The following SLC25A26 variants were observed in gnomAD, a reference collection of about 807,000 sequenced individuals.
SLC25A26 encodes solute carrier family 25 member 26.
In SLC25A26, 36 loss-of-function variants were observed where a neutral mutation model predicts 37.8. That is an observed-to-expected ratio of 0.95 (90% CI 0.73 to 1.26). The LOEUF (loss-of-function observed/expected upper bound fraction) is 1.26. Ranked by LOEUF, SLC25A26 falls within the 50% of genes most tolerant of loss-of-function variation. The probability of loss-of-function intolerance (pLI) is 0.00; values close to 1 mark genes in which losing one functional copy is unlikely to be tolerated. For synonymous variants in SLC25A26, 129 were observed against 122.5 expected (o/e 1.05, Z -0.35); for missense variants, 390 against 331.1 (o/e 1.18, Z -1.38).
At chr3:66,245,726 A>G (rs2072804161) in intron 3 of SLC25A26, among the ~76,000 whole-genome samples, 1 of 152,162 alleles carries the variant, frequency 6.6e-6, no homozygotes, top group African/African-American at 2.4e-5. Context: ...GTTTAAGAAT[A>G]AGTGAACTGG....
intron 5 of SLC25A26, among the ~76,000 whole-genome samples, chr3:66,330,358 G>T (rs1298545143): frequency 2.0e-5 from 3 of 152,118 alleles, no homozygotes; most frequent in Admixed American, 2.0e-4. Flanking sequence ...GTTCCAATCA[G>T]ATGTGACAAC....
intron 5 of SLC25A26, among the ~76,000 whole-genome samples, chr3:66,335,945 G>T (rs911223611): frequency 7.2e-5 from 11 of 152,156 alleles, no homozygotes; most frequent in Admixed American, 2.6e-4. Flanking sequence ...GAGTAGGCAG[G>T]TGAGAAAGGA....
intron 1 of SLC25A26, among the ~76,000 whole-genome samples, chr3:66,146,356 T>C (rs1388488161): frequency 6.6e-6 from 1 of 151,032 alleles, no homozygotes; most frequent in Non-Finnish European, 1.5e-5. Context: ...AAAAAAAAGA[T>C]AAAAATCTAA....
At chr3:66,377,630 T>C (rs1224949092) in intron 9 of SLC25A26, 60 bp from the exon 10 acceptor site, 8 of 1,357,188 alleles carry the variant, frequency 5.9e-6, no homozygotes, top group East Asian at 2.3e-5. Flanking sequence ...GCTGTGGGTA[T>C]TGGAATTTAA....
chr3:66,375,972 G>C (rs1411192813), intron 9 of SLC25A26, among the ~76,000 whole-genome samples: 2 of 151,068 alleles, frequency 1.3e-5, no homozygotes, highest in Admixed American at 1.3e-4. Context: ...GGCTTCATAG[G>C]AGGTCAAAAT....
At chr3:66,292,546 T>G (rs1048143375) in intron 5 of SLC25A26, among the ~76,000 whole-genome samples, 9 of 152,182 alleles carry the variant, frequency 5.9e-5, no homozygotes, top group African/African-American at 2.2e-4. Context: ...TTATTTCTCC[T>G]TTGCTTATGA....
chr3:66,204,470 A>T (rs1228113146), intron 1 of SLC25A26, among the ~76,000 whole-genome samples: 1 of 151,712 alleles, frequency 6.6e-6, no homozygotes, highest in East Asian at 1.9e-4. Flanking sequence ...AAAAAGAAAA[A>T]AGAAAATAAT....
chr3:66,300,477 TTTTCCTA>T, intron 5 of SLC25A26, among the ~76,000 whole-genome samples: 1 of 152,180 alleles, frequency 6.6e-6, no homozygotes. Flanking sequence ...TCAAATTACC[TTTTCCTA>T]TTTGTCTTAA....
chr3:66,326,983 C>G (rs1306005886), intron 5 of SLC25A26, among the ~76,000 whole-genome samples: 1 of 152,078 alleles, frequency 6.6e-6, no homozygotes, highest in Non-Finnish European at 1.5e-5. Context: ...GGTAGAGACT[C>G]TCATGTTTAA....
intron 1 of SLC25A26, among the ~76,000 whole-genome samples, chr3:66,204,425 C>CAAA (rs1253739560): frequency 0.55 from 35,741 of 64,614 alleles, 10,703 homozygotes; most frequent in Non-Finnish European, 0.66. Context: ...TACTCCGTCT[C>CAAA]AAAAAAAAAA....
intron 5 of SLC25A26, among the ~76,000 whole-genome samples, chr3:66,282,032 T>G (rs2074361417): frequency 8.5e-6 from 1 of 117,862 alleles, no homozygotes; most frequent in Admixed American, 1.1e-4. Flanking sequence ...TGAGACGGAG[T>G]CTCGCTCTGT....
chr3:66,303,554 T>G (rs955213642), intron 5 of SLC25A26, among the ~76,000 whole-genome samples: 1 of 152,218 alleles, frequency 6.6e-6, no homozygotes, highest in Non-Finnish European at 1.5e-5. Flanking sequence ...CAAGATCACT[T>G]AACTAGAATG....
chr3:66,244,198 A>G (rs567133266), intron 3 of SLC25A26, among the ~76,000 whole-genome samples: 1 of 152,326 alleles, frequency 6.6e-6, no homozygotes, highest in East Asian at 1.9e-4. Context: ...TTTGTGGAAT[A>G]ATATTAATAT....
chr3:66,219,642 A>C (rs2071416117), upstream of SLC25A26, among the ~76,000 whole-genome samples: 1 of 152,190 alleles, frequency 6.6e-6, no homozygotes, highest in Non-Finnish European at 1.5e-5. Flanking sequence ...GTCTGTGTGT[A>C]GTCCGGCTAG....
At chr3:66,316,346 A>G (rs1301681880) in intron 5 of SLC25A26, among the ~76,000 whole-genome samples, 1 of 150,456 alleles carries the variant, frequency 6.6e-6, no homozygotes, top group Non-Finnish European at 1.5e-5. Context: ...CTTGTCTGAA[A>G]AAGATTTTAT....
chr3:66,179,052 A>G (rs1372717988), intron 1 of SLC25A26, among the ~76,000 whole-genome samples: 1 of 152,252 alleles, frequency 6.6e-6, no homozygotes, highest in Non-Finnish European at 1.5e-5. Flanking sequence ...TTTGAAAGCA[A>G]AGATTGAAAG....
chr3:66,237,119 G>T (rs1053342697), intron 2 of SLC25A26, among the ~76,000 whole-genome samples: 1 of 152,086 alleles, frequency 6.6e-6, no homozygotes, highest in African/African-American at 2.4e-5. Context: ...ATTATAGTCG[G>T]CATGAGCCAC....
chr3:66,136,022 T>C (rs1014156782), intron 1 of SLC25A26, among the ~76,000 whole-genome samples: 2 of 152,242 alleles, frequency 1.3e-5, no homozygotes, highest in African/African-American at 4.8e-5. Flanking sequence ...TATAGATTTC[T>C]GTATTGATCA....
chr3:66,251,446 T>C (rs1240945741), intron 3 of SLC25A26, among the ~76,000 whole-genome samples: 3 of 152,206 alleles, frequency 2.0e-5, no homozygotes, highest in Non-Finnish European at 4.4e-5. Flanking sequence ...TAGTTTGTTG[T>C]GTCTATGTGT....
Sources: allele counts gnomAD v4.1 joint callset (sites outside exome capture counted in the v4.1 genomes callset), GRCh38; gene constraint gnomAD v4.1.1; transcripts MANE v1.5; gene names NCBI Gene and HGNC (gene_info 2026-07-23, HGNC 2026-07-21).